The following SLC4A7 variants were observed in gnomAD, a reference collection of about 807,000 sequenced individuals.
The protein encoded by SLC4A7 is solute carrier family 4 member 7.
A neutral mutation model predicts 137.6 loss-of-function variants in SLC4A7; 51 were observed. The observed-to-expected ratio is 0.37, with a 90% confidence interval of 0.30 to 0.47. SLC4A7 has a LOEUF of 0.47. Ranked by LOEUF, SLC4A7 falls within the 20% of genes least tolerant of loss-of-function variation. The pLI is 1.00. For synonymous variants in SLC4A7, 542 were observed against 518.6 expected, an observed-to-expected ratio of 1.05 and a Z score of -0.61; for missense variants, 1,247 against 1,525.4, an observed-to-expected ratio of 0.82 and a Z score of 3.04.
intron 20 of SLC4A7, among the ~76,000 whole-genome samples, chr3:27,392,960 G>C (rs2051733988): frequency 6.6e-6 from 1 of 152,034 alleles, no homozygotes; most frequent in Admixed American, 6.6e-5. Context: ...CCAATATAAT[G>C]ATATGAAAAA....
intron 17 of SLC4A7, 46 bp from the exon 18 acceptor site, chr3:27,397,843 G>T: frequency 9.2e-7 from 1 of 1,081,404 alleles, no homozygotes; most frequent in African/African-American, 1.6e-5. Context: ...AATACTATGT[G>T]TTCTTTCTAA....
chr3:27,412,971 G>A (rs955090933), intron 11 of SLC4A7, among the ~76,000 whole-genome samples: 2 of 151,998 alleles, frequency 1.3e-5, no homozygotes, highest in Non-Finnish European at 2.9e-5. Context: ...AAATAAAACA[G>A]CTAACAGCAG....
At chr3:27,445,405 C>T (rs777075447) in intron 3 of SLC4A7, among the ~76,000 whole-genome samples, 1 of 152,108 alleles carries the variant, frequency 6.6e-6, no homozygotes, top group Non-Finnish European at 1.5e-5. Context: ...TGTCTCTGGG[C>T]AATAAGTTCA....
At chr3:27,429,630 A>G (rs1055846084) in intron 7 of SLC4A7, among the ~76,000 whole-genome samples, 6 of 151,920 alleles carry the variant, frequency 3.9e-5, no homozygotes, top group African/African-American at 1.2e-4. Context: ...TGGGTGGATC[A>G]TTTGAGGTCA....
At chr3:27,436,852 T>C (rs1403764490) in intron 4 of SLC4A7, among the ~76,000 whole-genome samples, 1 of 152,122 alleles carries the variant, frequency 6.6e-6, no homozygotes, top group Non-Finnish European at 1.5e-5. Context: ...ATTGTAGACA[T>C]TAAAATCTAT....
intron 21 of SLC4A7, among the ~76,000 whole-genome samples, chr3:27,391,073 T>C (rs1409205164): frequency 6.6e-6 from 1 of 152,182 alleles, no homozygotes; most frequent in Non-Finnish European, 1.5e-5. Flanking sequence ...TACTCCTGCC[T>C]CAGGCTTTCA....
At chr3:27,430,093 C>T (rs1251221696) in intron 7 of SLC4A7, among the ~76,000 whole-genome samples, 1 of 151,764 alleles carries the variant, frequency 6.6e-6, no homozygotes, top group African/African-American at 2.4e-5. Context: ...CCTGTAGTCT[C>T]AGCTACTCAG....
intron 3 of SLC4A7, among the ~76,000 whole-genome samples, chr3:27,446,745 C>T (rs1318225944): frequency 1.3e-5 from 2 of 151,150 alleles, no homozygotes; most frequent in African/African-American, 2.4e-5. Context: ...TTAGTATCAC[C>T]AAAAAAAAGT....
At chr3:27,472,854 C>G (rs1414223143) in intron 1 of SLC4A7, among the ~76,000 whole-genome samples, 4 of 152,184 alleles carry the variant, frequency 2.6e-5, no homozygotes, top group Non-Finnish European at 5.9e-5. Context: ...CCGAGGCGGG[C>G]AGATCACCTG....
At chr3:27,466,218 G>T (rs1002889284) in intron 1 of SLC4A7, among the ~76,000 whole-genome samples, 2 of 151,642 alleles carry the variant, frequency 1.3e-5, no homozygotes, top group Admixed American at 1.3e-4. Context: ...TTGGGAGGCC[G>T]AGGCGGGCGG....
intron 7 of SLC4A7, 59 bp downstream of exon 7, chr3:27,431,238 TC>T: frequency 6.6e-7 from 1 of 1,508,544 alleles, no homozygotes; most frequent in Non-Finnish European, 8.9e-7. Context: ...TAAAAGGCAT[TC>T]CAAGTGCAAG....
intron 12 of SLC4A7, among the ~76,000 whole-genome samples, chr3:27,410,102 CTGTG>C (rs1178640744): frequency 6.6e-6 from 1 of 152,150 alleles, no homozygotes; most frequent in African/African-American, 2.4e-5. Flanking sequence ...ATTTAATTTA[CTGTG>C]TATGTAGACA....
Position 27,428,256 on chromosome 3 carries a change from T to C in SLC4A7, c.1150+3042A>G, listed in dbSNP as rs115938657. On this transcript the variant is annotated intron_variant, in intron 7 of 25. Coordinates refer to ENST00000454389, the MANE Select transcript of SLC4A7 (RefSeq NM_001321103.2). ...ATGAAATACTCTAGTATAGATTTTGTTGTAAGTGGACCTGAGTTCAAATCC... is the reference window on the plus strand; with the variant it reads ...ATGAAATACTCTAGTATAGATTTTGCTGTAAGTGGACCTGAGTTCAAATCC... 8.8e-3 allele frequency: 1,358 copies of C among 154,494 alleles called. 26 individuals are homozygous for C. The highest frequency in any genetic ancestry group is 0.03 in the African/African-American group (1,248 of 41,644). 9.6% of individuals were successfully genotyped at this position (154,494 alleles called of 1,614,324 possible).
At position 27,394,706 on chromosome 3, in the gene SLC4A7, T is replaced by C. The variant is rs2150105730; in HGVS notation, c.2929A>G (p.Met977Val). 6.2e-7 allele frequency: 1 copy of C among 1,614,174 alleles called. No homozygotes were observed. Among genetic ancestry groups the C allele is most frequent in the South Asian group, 1.1e-5 (1 of 91,080 alleles). The part of the protein sequence containing the change: ...VGVMLGVCSV[M>V]GLPWFVAATV... ...GCAGCCACAAACCATGGAAGTCCCA[T>C]GACAGAGCAAACTCCCAACATAACG... The change falls in exon 20 of 26, where the codon ATG becomes GTG. Residue 977 changes from methionine to valine, a missense_variant. Transcript: ENST00000454389.
At chr3:27,436,816 C>T (rs973379894) in intron 4 of SLC4A7, among the ~76,000 whole-genome samples, 1 of 152,056 alleles carries the variant, frequency 6.6e-6, no homozygotes, top group Non-Finnish European at 1.5e-5. Flanking sequence ...TACTTCTATT[C>T]CTCTTCTAAA....
intron 1 of SLC4A7, among the ~76,000 whole-genome samples, chr3:27,462,221 G>A (rs2058738239): frequency 6.6e-6 from 1 of 152,114 alleles, no homozygotes; most frequent in Non-Finnish European, 1.5e-5. Flanking sequence ...CCAAAACTTT[G>A]GAGAGTAAAC....
chr3:27,412,940 T>G (rs1199265660), intron 11 of SLC4A7, among the ~76,000 whole-genome samples: 1 of 152,034 alleles, frequency 6.6e-6, no homozygotes, highest in Non-Finnish European at 1.5e-5. Context: ...AAATCTTTCC[T>G]GGAAGAAAGT....
chr3:27,463,594 G>A (rs986306402), intron 1 of SLC4A7, among the ~76,000 whole-genome samples: 3 of 152,098 alleles, frequency 2.0e-5, no homozygotes, highest in African/African-American at 4.8e-5. Flanking sequence ...TGTAATCCTA[G>A]TGAGACAGCC....
intron 3 of SLC4A7, among the ~76,000 whole-genome samples, chr3:27,445,931 CAAAAAAAAAAAAAAA>C (rs1164631983): frequency 2.1e-3 from 121 of 58,428 alleles, no homozygotes; most frequent in Non-Finnish European, 2.8e-3. Flanking sequence ...GGCTCAGTCT[CAAAAAAAAAAAAAAA>C]AAAAAAAAAA....
Sources: gnomAD v4.1 joint callset for allele counts (sites outside exome capture counted in the v4.1 genomes callset) on GRCh38, gnomAD v4.1.1 for gene constraint, MANE v1.5 for transcripts, NCBI Gene and HGNC (gene_info 2026-07-23, HGNC 2026-07-21) for gene names.